Variants in CLCN3 observed in about 807,000 individuals in gnomAD.
CLCN3 encodes Cl-/H+ antiporter 3, also known as H(+)/Cl(-) exchange transporter 3.
In CLCN3, 16 loss-of-function variants were observed where a neutral mutation model predicts 83.4. The observed-to-expected ratio is 0.19, with a 90% CI of 0.13 to 0.29. The LOEUF (loss-of-function observed/expected upper bound fraction) is 0.29, where lower values mean the gene tolerates loss of function less well. Ranked by LOEUF, CLCN3 falls within the 10% of genes least tolerant of loss-of-function variation. The pLI, the probability that CLCN3 is intolerant of heterozygous loss-of-function variation, is 1.00. For synonymous variants in CLCN3, 322 were observed against 346.2 expected, an observed-to-expected ratio of 0.93 and a Z score of 0.78; for missense variants, 544 against 1,006.0, an observed-to-expected ratio of 0.54 and a Z score of 6.21.
rs1431169219 is a variant in CLCN3 at position 169,646,443 on chromosome 4, C to T, written c.160+10355C>T. Among the ~76,000 whole-genome samples the T allele has an allele frequency of 2.0e-5, 3 of 152,064 alleles. No homozygotes were observed. The East Asian group carries it at 5.8e-4, about 29-fold the overall frequency. ...AGCTGGGACTACAGGCATGTGCCAC[C>T]ATGCCCAGCTAAGTTTTTATACTTT... is the stretch of plus-strand genomic sequence containing the variant. On this transcript the variant is annotated intron_variant, in intron 2 of 12. Coordinates refer to ENST00000513761, the MANE Select transcript of CLCN3 (RefSeq NM_001829.4).
chr4:169,638,892 A>G (rs1347920813), intron 2 of CLCN3, among the ~76,000 whole-genome samples: 1 of 152,230 alleles, frequency 6.6e-6, no homozygotes, highest in Non-Finnish European at 1.5e-5. Context: ...ATAACTGGCA[A>G]AGGGGAATGA....
At chr4:169,712,611 G>A (rs1733265849) in intron 11 of CLCN3, among the ~76,000 whole-genome samples, 3 of 152,180 alleles carry the variant, frequency 2.0e-5, no homozygotes, top group Admixed American at 2.0e-4. Context: ...TCATAGGGAT[G>A]GAGGACACAG....
intron 1 of CLCN3, among the ~76,000 whole-genome samples, chr4:169,623,406 G>A (rs939540762): frequency 6.6e-6 from 1 of 152,058 alleles, no homozygotes; most frequent in Non-Finnish European, 1.5e-5. Flanking sequence ...TAATCATTGT[G>A]TATATTTATG....
At chr4:169,665,480 T>C (rs1390141799) in intron 2 of CLCN3, among the ~76,000 whole-genome samples, 2 of 152,178 alleles carry the variant, frequency 1.3e-5, no homozygotes, top group Non-Finnish European at 2.9e-5. Flanking sequence ...TTCTTGCCAT[T>C]ACCTTTTTAA....
intron 2 of CLCN3, among the ~76,000 whole-genome samples, chr4:169,645,748 T>C (rs758259486): frequency 6.6e-6 from 1 of 152,182 alleles, no homozygotes; most frequent in Non-Finnish European, 1.5e-5. Flanking sequence ...GCTAAAGTAC[T>C]ACTTTTACTT....
intron 3 of CLCN3, among the ~76,000 whole-genome samples, chr4:169,686,808 G>A (rs1175926299): frequency 6.6e-6 from 1 of 152,212 alleles, no homozygotes; most frequent in Non-Finnish European, 1.5e-5. Context: ...TTCTTAGTAA[G>A]AGAGGTGAGA....
At chr4:169,660,509 C>A in intron 2 of CLCN3, 1 of 1,177,802 alleles carries the variant, frequency 8.5e-7, no homozygotes, top group African/African-American at 1.6e-5. Context: ...GCTGGGCGGT[C>A]CTCTAGCTTA....
At chr4:169,682,708 A>G (rs1233229867) in intron 3 of CLCN3, among the ~76,000 whole-genome samples, 1 of 152,236 alleles carries the variant, frequency 6.6e-6, no homozygotes, top group Non-Finnish European at 1.5e-5. Context: ...TGCTTCATCA[A>G]AGATGCTCTT....
chr4:169,693,108 A>C (rs970319138), intron 7 of CLCN3, among the ~76,000 whole-genome samples: 57 of 152,206 alleles, frequency 3.7e-4, no homozygotes, highest in Non-Finnish European at 1.5e-4. Flanking sequence ...CATCTCATTA[A>C]ATACTGGCAG....
At chr4:169,659,584 A>G (rs1162229083) in intron 2 of CLCN3, among the ~76,000 whole-genome samples, 1 of 152,192 alleles carries the variant, frequency 6.6e-6, no homozygotes, top group Non-Finnish European at 1.5e-5. Flanking sequence ...AAAAGCTACA[A>G]TGTCTTACTA....
At chr4:169,702,777 C>CAAA (rs60812626) in intron 9 of CLCN3, 3,517 of 245,656 alleles carry the variant, frequency 0.014, 9 homozygotes, top group South Asian at 0.034. Flanking sequence ...CCCATCTCTA[C>CAAA]AAAAAAAAAA....
intron 2 of CLCN3, among the ~76,000 whole-genome samples, chr4:169,641,220 A>C (rs1560831424): frequency 6.6e-6 from 1 of 152,184 alleles, no homozygotes; most frequent in Non-Finnish European, 1.5e-5. Context: ...GCACCTGTGA[A>C]TAGCCCCTGC....
intron 1 of CLCN3, among the ~76,000 whole-genome samples, chr4:169,634,837 C>G (rs967768935): frequency 3.9e-5 from 6 of 152,044 alleles, no homozygotes; most frequent in Non-Finnish European, 2.9e-5. Context: ...TCAAGGAGCT[C>G]TCAAAACTTC....
intron 11 of CLCN3, among the ~76,000 whole-genome samples, chr4:169,708,716 T>C (rs1042312908): frequency 3.9e-5 from 6 of 152,158 alleles, no homozygotes; most frequent in African/African-American, 7.2e-5. Flanking sequence ...TGGATGTGTT[T>C]TTTAAAGTTT....
At chr4:169,657,321 C>T (rs1456477330) in intron 2 of CLCN3, among the ~76,000 whole-genome samples, 1 of 151,746 alleles carries the variant, frequency 6.6e-6, no homozygotes, top group Non-Finnish European at 1.5e-5. Context: ...TGTAGGTTTC[C>T]CTCTCTCCCT....
chr4:169,651,048 A>G (rs1416897228), intron 2 of CLCN3, among the ~76,000 whole-genome samples: 1 of 152,180 alleles, frequency 6.6e-6, no homozygotes, highest in African/African-American at 2.4e-5. Context: ...TGGAAAGTCA[A>G]TCAAGTACTG....
intron 1 of CLCN3, among the ~76,000 whole-genome samples, chr4:169,628,380 A>T (rs959132387): frequency 2.0e-5 from 3 of 152,152 alleles, no homozygotes; most frequent in African/African-American, 7.2e-5. Flanking sequence ...TAAACTAGAG[A>T]GGGGAGAAAA....
chr4:169,663,828 G>A (rs1286487225), intron 2 of CLCN3, among the ~76,000 whole-genome samples: 11 of 152,168 alleles, frequency 7.2e-5, no homozygotes, highest in South Asian at 6.2e-4. Flanking sequence ...CTCTCTACAC[G>A]TATCTTCATA....
intron 2 of CLCN3, among the ~76,000 whole-genome samples, chr4:169,647,728 A>C (rs961299246): frequency 2.0e-5 from 3 of 152,224 alleles, no homozygotes; most frequent in Non-Finnish European, 4.4e-5. Context: ...ATGAGGCAAA[A>C]GAGACAAATC....
Sources: allele counts gnomAD v4.1 joint callset (sites outside exome capture counted in the v4.1 genomes callset), GRCh38; gene constraint gnomAD v4.1.1; transcripts MANE v1.5; gene names NCBI Gene and HGNC (gene_info 2026-07-23, HGNC 2026-07-21).